EPHA7: variants seen among roughly 807,000 people sequenced by gnomAD.
EPHA7 encodes the protein ephrin type-A receptor 7.
Under a neutral mutation model 112.6 loss-of-function variants are expected in EPHA7, and 25 were observed. That is an observed-to-expected ratio of 0.22 (90% CI 0.16 to 0.31). EPHA7 has a LOEUF of 0.31. EPHA7 is among the 10% of genes least tolerant of loss of function. The pLI is 1.00. For missense variants in EPHA7, 962 were observed against 1,212.6 expected, an observed-to-expected ratio of 0.79 and a Z score of 3.07; for synonymous variants, 437 against 406.5, an observed-to-expected ratio of 1.07 and a Z score of -0.90.
At chr6:93,343,332 A>G (rs1435201123) in intron 5 of EPHA7, among the ~76,000 whole-genome samples, 1 of 151,744 alleles carries the variant, frequency 6.6e-6, no homozygotes, top group Non-Finnish European at 1.5e-5. Flanking sequence ...TGTTACATAA[A>G]AAAATTTACA....
intron 5 of EPHA7, among the ~76,000 whole-genome samples, chr6:93,279,280 A>T (rs552912678): frequency 6.6e-6 from 1 of 152,272 alleles, no homozygotes; most frequent in African/African-American, 2.4e-5. Flanking sequence ...TGTATTTTAT[A>T]ACATATCATT....
intron 5 of EPHA7, among the ~76,000 whole-genome samples, chr6:93,275,167 T>C (rs1277921906): frequency 6.6e-6 from 1 of 151,780 alleles, no homozygotes; most frequent in Non-Finnish European, 1.5e-5. Flanking sequence ...CAAATGAATA[T>C]ACAAATGAAT....
intron 5 of EPHA7, among the ~76,000 whole-genome samples, chr6:93,323,107 A>G (rs886410655): frequency 3.3e-5 from 5 of 150,808 alleles, no homozygotes; most frequent in Non-Finnish European, 4.4e-5. Context: ...TGCATAACAT[A>G]GAATTTTTTG....
intron 3 of EPHA7, among the ~76,000 whole-genome samples, 190 bp from the exon 4 acceptor site, chr6:93,358,601 T>C (rs1776080199): frequency 6.6e-6 from 1 of 152,130 alleles, no homozygotes; most frequent in African/African-American, 2.4e-5. Flanking sequence ...AACAAAATAA[T>C]ACAAACAAAA....
At chr6:93,295,874 CT>C (rs1772635930) in intron 5 of EPHA7, among the ~76,000 whole-genome samples, 1 of 151,824 alleles carries the variant, frequency 6.6e-6, no homozygotes, top group Non-Finnish European at 1.5e-5. Flanking sequence ...ATCCCCATAA[CT>C]TCATCCTCAA....
At chr6:93,295,169 A>G (rs936140034) in intron 5 of EPHA7, among the ~76,000 whole-genome samples, 3 of 152,030 alleles carry the variant, frequency 2.0e-5, no homozygotes, top group Non-Finnish European at 4.4e-5. Flanking sequence ...CTAGAATTTC[A>G]GTAGTGAGAT....
chr6:93,401,115 A>G (rs1186881488), intron 3 of EPHA7, among the ~76,000 whole-genome samples: 3 of 152,094 alleles, frequency 2.0e-5, no homozygotes, highest in Non-Finnish European at 4.4e-5. Context: ...ATGAAACAAA[A>G]TATTAAACAC....
intron 5 of EPHA7, among the ~76,000 whole-genome samples, chr6:93,274,727 A>C (rs1319764168): frequency 6.6e-6 from 1 of 151,828 alleles, no homozygotes; most frequent in Non-Finnish European, 1.5e-5. Flanking sequence ...GAATGGATAA[A>C]CTGCATGATA....
chr6:93,395,465 A>G (rs1778120662), intron 3 of EPHA7, among the ~76,000 whole-genome samples: 1 of 151,842 alleles, frequency 6.6e-6, no homozygotes, highest in Admixed American at 6.6e-5. Flanking sequence ...ATGTCATGAC[A>G]TGTAAACAAA....
chr6:93,272,486 C>T (rs1382809169), intron 5 of EPHA7, 64 bp from the exon 6 acceptor site: 4 of 1,594,748 alleles, frequency 2.5e-6, no homozygotes, highest in Admixed American at 1.7e-5. Flanking sequence ...AATCAAATGT[C>T]ACAACTGATC....
At position 93,393,712 on chromosome 6, in the gene EPHA7, C is replaced by A. The variant is rs146624055; in HGVS notation, c.832+16789G>T. On this transcript the variant is annotated intron_variant, in intron 3 of 16. Coordinates refer to ENST00000369303, the MANE Select transcript of EPHA7 (RefSeq NM_004440.4). ...CCTCAGTGTTACTAATCTAATATGA[C>A]TTCTGCAGATCATAAAGTACAATTG... Among the ~76,000 whole-genome samples the A allele has an allele frequency of 1.0e-3, 159 of 151,954 alleles. 1 individual carries two copies. Among genetic ancestry groups the A allele is most frequent in the African/African-American group, 3.7e-3 (152 of 41,522 alleles).
Position 93,343,265 on chromosome 6 carries a change from AAAT to A in EPHA7, c.1324+13449_1324+13451del, listed in dbSNP as rs1225823172. On this transcript the variant is annotated intron_variant, in intron 5 of 16. Transcript: ENST00000369303. ...TTTTATAATCACTTACATGCAATTT[AAAT>A]AATAACTGCAGATGTTTTAACCTAG... 4.0e-5 allele frequency among the ~76,000 whole-genome samples: 6 copies of A among 151,858 alleles called. No individual in the cohort carries two copies. In the East Asian group the frequency reaches 5.8e-4, roughly 15 times the overall value.
At chr6:93,352,318 A>C (rs891960176) in intron 5 of EPHA7, among the ~76,000 whole-genome samples, 1 of 152,152 alleles carries the variant, frequency 6.6e-6, no homozygotes, top group South Asian at 2.1e-4. Context: ...ATACTTCTGC[A>C]TACTACTTCT....
At chr6:93,418,129 G>T (rs1011465823) in intron 1 of EPHA7, among the ~76,000 whole-genome samples, 4 of 148,906 alleles carry the variant, frequency 2.7e-5, no homozygotes, top group African/African-American at 9.9e-5. Context: ...ATCGAAAAAT[G>T]AAACTTAGAT....
At chr6:93,343,561 C>T (rs1383790245) in intron 5 of EPHA7, among the ~76,000 whole-genome samples, 1 of 151,602 alleles carries the variant, frequency 6.6e-6, no homozygotes, top group African/African-American at 2.4e-5. Flanking sequence ...TAGCAAACAC[C>T]CAGTGCATTT....
At chr6:93,411,193 A>G in intron 2 of EPHA7, 23 bp from the exon 3 acceptor site, 1 of 1,581,560 alleles carries the variant, frequency 6.3e-7, no homozygotes, top group Non-Finnish European at 8.6e-7. Context: ...AAAAAAGGTC[A>G]TCAGTCATTC....
intron 3 of EPHA7, among the ~76,000 whole-genome samples, chr6:93,407,279 G>C (rs895551804): frequency 1.3e-5 from 2 of 151,976 alleles, no homozygotes; most frequent in African/African-American, 4.8e-5. Context: ...TTTGGCTAGG[G>C]ACTCACTAGC....
intron 5 of EPHA7, among the ~76,000 whole-genome samples, chr6:93,300,686 A>T (rs1772934942): frequency 1.3e-5 from 2 of 152,260 alleles, no homozygotes; most frequent in Admixed American, 6.5e-5. Context: ...TAAATATTTC[A>T]GATTTATTTA....
intron 3 of EPHA7, among the ~76,000 whole-genome samples, chr6:93,395,417 G>A (rs764779056): frequency 1.8e-4 from 27 of 151,766 alleles, no homozygotes; most frequent in Non-Finnish European, 3.2e-4. Context: ...AAAGCCAAAC[G>A]AGCTTGTTCT....
Sources: allele counts gnomAD v4.1 joint callset (sites outside exome capture counted in the v4.1 genomes callset), GRCh38; gene constraint gnomAD v4.1.1; transcripts MANE v1.5; gene names NCBI Gene and HGNC (gene_info 2026-07-23, HGNC 2026-07-21).